The following LAPTM5 variants were observed in gnomAD, a reference collection of about 807,000 sequenced individuals.
The protein encoded by LAPTM5 is lysosomal-associated transmembrane protein 5.
Under a neutral mutation model 30.1 loss-of-function variants are expected in LAPTM5, and 11 were observed. The observed-to-expected ratio is 0.37, with a 90% confidence interval of 0.23 to 0.60. LAPTM5 has a LOEUF of 0.60. LAPTM5 is among the 20% of genes least tolerant of loss of function. LAPTM5 has a pLI of 0.71. For synonymous variants in LAPTM5, 151 were observed against 137.9 expected, an observed-to-expected ratio of 1.10 and a Z score of -0.67; for missense variants, 324 against 332.5, an observed-to-expected ratio of 0.97 and a Z score of 0.20.
intron 6 of LAPTM5, among the ~76,000 whole-genome samples, chr1:30,735,479 T>C (rs1281262641): frequency 1.3e-5 from 2 of 152,128 alleles, no homozygotes; most frequent in Non-Finnish European, 2.9e-5. Context: ...AGATACCACA[T>C]AGCAAGGGGA....
chr1:30,753,810 C>A (rs933046270), intron 1 of LAPTM5, among the ~76,000 whole-genome samples: 1 of 152,192 alleles, frequency 6.6e-6, no homozygotes, highest in Non-Finnish European at 1.5e-5. Context: ...AACAAACGCA[C>A]CACACTAACG....
At position 30,732,637 on chromosome 1, in the gene LAPTM5, C is replaced by T. The variant is rs1639828574; in HGVS notation, c.*1191G>A. The T allele has an allele frequency of 6.6e-6, 1 of 152,020 alleles. No individual in the cohort carries two copies. Among genetic ancestry groups the T allele is most frequent in the African/African-American group, 2.4e-5 (1 of 41,324 alleles). 9.4% of individuals were successfully genotyped at this position (152,020 alleles called of 1,614,324 possible). On this transcript the variant is annotated 3_prime_UTR_variant, in exon 8 of 8. Coordinates refer to ENST00000294507, the MANE Select transcript of LAPTM5 (RefSeq NM_006762.3). ...ACCTCTGGGTCAGCTCCCTGGAGGA[C>T]CCCGACACACAGGGAAGCAGGCACA...
chr1:30,751,638 C>G lies in LAPTM5; in HGVS notation c.87+6021G>C, dbSNP rs530095342. Among the ~76,000 whole-genome samples, 5 of 152,282 alleles carry G rather than the reference C, an allele frequency of 3.3e-5. No individual in the cohort carries two copies. The South Asian group carries it at 1.0e-3, about 32-fold the overall frequency. On this transcript the variant is annotated intron_variant, in intron 1 of 7. Coordinates refer to ENST00000294507, the MANE Select transcript of LAPTM5 (RefSeq NM_006762.3). ...CCTGTGATTCCAGCTACTTGGGAGG[C>G]TGAGGCACAAGAATCACTTGAACCC...
rs532274952 is a variant in LAPTM5 at position 30,757,642 on chromosome 1, G to T, written c.87+17C>A. 6.2e-7 allele frequency: 1 copy of T among 1,610,912 alleles called. No individual in the cohort carries two copies. Among genetic ancestry groups the T allele is most frequent in the South Asian group, 1.1e-5 (1 of 90,522 alleles). ...CACAAGCACGCACGCACACACACCC[G>T]GGGCCCGCACACTCACCACATGGTA... On this transcript the variant is annotated intron_variant, in intron 1 of 7. Coordinates refer to ENST00000294507, the MANE Select transcript of LAPTM5 (RefSeq NM_006762.3).
At position 30,732,578 on chromosome 1, in the gene LAPTM5, G is replaced by A. The variant is rs976791237; in HGVS notation, c.*1250C>T. On this transcript the variant is annotated 3_prime_UTR_variant, in exon 8 of 8. Coordinates refer to ENST00000294507, the MANE Select transcript of LAPTM5 (RefSeq NM_006762.3). ...AGAGCCTTCTCCCTCTGTACCCCCC[G>A]ACAGTCCCCAGAGACCCTGCCTCCG... The A allele has an allele frequency of 3.3e-5, 5 of 151,728 alleles. No individual in the cohort carries two copies. The highest frequency in any genetic ancestry group is 4.9e-5 in the African/African-American group (2 of 41,218). 9.4% of individuals were successfully genotyped at this position (151,728 alleles called of 1,614,324 possible). A position where few individuals can be genotyped will look rare whatever the true frequency, so the allele number is the denominator to read the frequency against.
At chr1:30,738,252 A>G (rs1466412710) in intron 5 of LAPTM5, among the ~76,000 whole-genome samples, 1 of 152,172 alleles carries the variant, frequency 6.6e-6, no homozygotes, top group Non-Finnish European at 1.5e-5. Flanking sequence ...TAACTAACAG[A>G]ATGTGGCAGA....
intron 5 of LAPTM5, among the ~76,000 whole-genome samples, chr1:30,737,999 T>C (rs1639912871): frequency 1.3e-5 from 2 of 152,110 alleles, no homozygotes; most frequent in South Asian, 4.1e-4. Context: ...ACACCTATGC[T>C]CTTCTCTACA....
chr1:30,739,075 A>C lies in LAPTM5; in HGVS notation c.388-13T>G. On this transcript the variant is annotated splice_polypyrimidine_tract_variant and intron_variant, in intron 4 of 7. Transcript: ENST00000294507. The surrounding 1 kb of genome is among the most constrained non-coding windows in gnomAD (Gnocchi z 4.2). ...ACTTGGAGGAGCTCTGGGGAGGACA[A>C]ATACAAGGAGGAGGAATGAGGAGCA... 1 of 1,578,742 alleles carries C rather than the reference A, an allele frequency of 6.3e-7. No homozygotes were observed. Among genetic ancestry groups the C allele is most frequent in the Non-Finnish European group, 8.6e-7 (1 of 1,160,948 alleles).
chr1:30,739,658 G>A lies in LAPTM5; in HGVS notation c.387+151C>T. The stretch of plus-strand genomic sequence containing the variant: ...AGAGGAAGAAACTTGGGGCAATGTG[G>A]AGGGACTCAGAGACTGGGTCAAGAC... On this transcript the variant is annotated intron_variant, in intron 4 of 7. Coordinates refer to ENST00000294507, the MANE Select transcript of LAPTM5 (RefSeq NM_006762.3). The surrounding 1 kb of genome is among the most constrained non-coding windows in gnomAD (Gnocchi z 4.2). The A allele has an allele frequency of 2.4e-6, 2 of 824,512 alleles. No homozygotes were observed. The highest frequency in any genetic ancestry group is 1.8e-5 in the African/African-American group (1 of 56,972). The allele number at this position is 824,512 out of a possible 1,614,324, so 51.1% of individuals were successfully genotyped here. A position where few individuals can be genotyped will look rare whatever the true frequency, so the allele number is the denominator to read the frequency against.
chr1:30,741,881 A>G, intron 2 of LAPTM5, 165 bp from the exon 3 acceptor site: 1 of 521,934 alleles, frequency 1.9e-6, no homozygotes, highest in Non-Finnish European at 3.4e-6. Flanking sequence ...GTACAAAGAC[A>G]AAAGCAGAAC....
At position 30,757,665 on chromosome 1, in the gene LAPTM5, G is replaced by C; in HGVS notation, c.81C>G (p.Tyr27Ter). The C allele has an allele frequency of 6.2e-7, 1 of 1,613,652 alleles. No homozygotes were observed. Among genetic ancestry groups the C allele is most frequent in the Non-Finnish European group, 8.5e-7 (1 of 1,179,996 alleles). The change falls in exon 1 of 8, where the codon TAC becomes TAG. Residue 27 changes from tyrosine (Y) to a stop codon, truncating the protein, a stop_gained. Coordinates refer to ENST00000294507, the MANE Select transcript of LAPTM5 (RefSeq NM_006762.3). LOFTEE classifies it high-confidence loss of function. ...VRIATTALAI[Y>*]HVIMSVLLFI... ...CCGGGGCCCGCACACTCACCACATG[G>C]TAGATGGCCAGGGCGGTGGTTGCGA...
intron 1 of LAPTM5, among the ~76,000 whole-genome samples, chr1:30,755,901 A>T (rs964088156): frequency 6.6e-6 from 1 of 152,222 alleles, no homozygotes; most frequent in Admixed American, 6.5e-5. Context: ...AACAGAGAAC[A>T]GCTGCAGGGT....
At chr1:30,735,356 C>T in intron 6 of LAPTM5, 91 bp from the exon 7 acceptor site, 4 of 1,029,178 alleles carry the variant, frequency 3.9e-6, no homozygotes, top group Non-Finnish European at 3.0e-6. Flanking sequence ...GGAGCCACCA[C>T]TCTCTCCAGA....
At chr1:30,740,367 T>C (rs947206998) in intron 3 of LAPTM5, among the ~76,000 whole-genome samples, 1 of 151,572 alleles carries the variant, frequency 6.6e-6, no homozygotes. Flanking sequence ...AAGACCAACA[T>C]GAGTGAAGGC....
chr1:30,742,596 C>T (rs997628244), intron 1 of LAPTM5, 47 bp from the exon 2 acceptor site: 1 of 1,445,532 alleles, frequency 6.9e-7, no homozygotes, highest in African/African-American at 1.4e-5. Flanking sequence ...CATCACGGCC[C>T]CCCGACCAGC....
chr1:30,733,551 C>T lies in LAPTM5; in HGVS notation c.*277G>A. ...ACTCACCAACTTTAGAATGGCCAAT[C>T]GTCTAAACAAGTGTCAGAGCTGATT... On this transcript the variant is annotated 3_prime_UTR_variant, in exon 8 of 8. Transcript: ENST00000294507. The T allele has an allele frequency of 5.4e-6, 8 of 1,484,654 alleles. No homozygotes were observed. Among genetic ancestry groups the T allele is most frequent in the South Asian group, 1.2e-5 (1 of 82,770 alleles). The allele number at this position is 1,484,654 out of a possible 1,614,324, so 92.0% of individuals were successfully genotyped here.
chr1:30,753,155 A>G (rs1172701022), intron 1 of LAPTM5, among the ~76,000 whole-genome samples: 1 of 152,020 alleles, frequency 6.6e-6, no homozygotes, highest in African/African-American at 2.4e-5. Flanking sequence ...ATTATAACCC[A>G]AAGCATACAG....
chr1:30,735,062 A>T (rs1389730645), intron 7 of LAPTM5, 111 bp downstream of exon 7: 8 of 751,002 alleles, frequency 1.1e-5, no homozygotes, highest in African/African-American at 1.7e-5. Context: ...CTTCTGTTCC[A>T]ACCCTCATCT....
Position 30,739,917 on chromosome 1 carries a change from C to T in LAPTM5, c.279G>A (p.Leu93=), listed in dbSNP as rs1173501263. The change falls in exon 4 of 8, where the codon CTG becomes CTA. Residue 93 remains leucine, a synonymous_variant. Transcript: ENST00000294507. This position sits in a 1 kb window ranked among gnomAD's most constrained non-coding sequence, Gnocchi z 4.2. ...CCATGATTTGCAGGGACAGGAAGGGCAGCAGGTACTTCTCCCGGTTCTGAA... is the reference window on the plus strand; with the variant it reads ...CCATGATTTGCAGGGACAGGAAGGGTAGCAGGTACTTCTCCCGGTTCTGAA... ...GVVKNREKYL[L]PFLSLQIMDY... is the part of the protein sequence containing the mutation. The T allele has an allele frequency of 3.1e-6, 5 of 1,601,616 alleles. No individual in the cohort carries two copies. The highest frequency in any genetic ancestry group is 4.3e-6 in the Non-Finnish European group (5 of 1,172,734).
Sources: gnomAD v4.1 joint callset for allele counts (sites outside exome capture counted in the v4.1 genomes callset) on GRCh38, gnomAD v4.1.1 for gene constraint, Gnocchi (gnomAD v3.1) non-coding constraint, MANE v1.5 for transcripts, NCBI Gene and HGNC (gene_info 2026-07-23, HGNC 2026-07-21) for gene names.